CD96: variants seen among roughly 807,000 people sequenced by gnomAD.
CD96 encodes the protein CD96 molecule.
CD96 carries 70 observed loss-of-function variants against 71.3 expected under a neutral mutation model. The ratio of observed to expected loss-of-function variants is 0.98; its 90% CI spans 0.81 to 1.20. The LOEUF (loss-of-function observed/expected upper bound fraction) is 1.20. Among genes scored for constraint, CD96 ranks in the 50% most tolerant of loss-of-function variants. The pLI is 0.00. For missense variants in CD96, 742 were observed against 677.5 expected (o/e 1.10, Z -1.06); for synonymous variants, 248 against 233.0 (o/e 1.06, Z -0.59).
At chr3:111,613,032 A>G (rs954016917) in intron 8 of CD96, among the ~76,000 whole-genome samples, 1 of 152,136 alleles carries the variant, frequency 6.6e-6, no homozygotes, top group Non-Finnish European at 1.5e-5. Flanking sequence ...TGTTTATTGT[A>G]TCTTTTTCAT....
At chr3:111,638,684 A>T (rs1939451464) in intron 12 of CD96, among the ~76,000 whole-genome samples, 1 of 152,188 alleles carries the variant, frequency 6.6e-6, no homozygotes, top group South Asian at 2.1e-4. Context: ...GAAGGTCATG[A>T]TTGTAAGTTC....
chr3:111,604,161 T>C (rs1344985573), intron 7 of CD96, among the ~76,000 whole-genome samples: 2 of 152,194 alleles, frequency 1.3e-5, no homozygotes, highest in African/African-American at 4.8e-5. Context: ...ATACAAGCTC[T>C]GAGGAAACCC....
intron 3 of CD96, among the ~76,000 whole-genome samples, chr3:111,574,063 A>G (rs1936110663): frequency 6.6e-6 from 1 of 152,230 alleles, no homozygotes. Context: ...ATGTGAAGAT[A>G]AGAAACAGTT....
chr3:111,584,591 G>A (rs1936618075), intron 4 of CD96, among the ~76,000 whole-genome samples: 1 of 152,280 alleles, frequency 6.6e-6, no homozygotes, highest in East Asian at 1.9e-4. Context: ...GGTGCGTGGT[G>A]AAAGGTACTT....
rs575477833 is a variant in CD96 at position 111,632,743 on chromosome 3, G to A, written c.1322-4453G>A. 2.1e-4 allele frequency among the ~76,000 whole-genome samples: 32 copies of A among 152,250 alleles called. No homozygotes were observed. In the South Asian group the frequency reaches 6.2e-3, roughly 30 times the overall value. On this transcript the variant is annotated intron_variant, in intron 10 of 13. Transcript: ENST00000352690. ...CTAAATGCCCATCAATAATAGACTG[G>A]ATAAAGAAAATGTAATACATATACA...
intron 5 of CD96, among the ~76,000 whole-genome samples, chr3:111,596,216 A>T (rs1937253593): frequency 6.6e-6 from 1 of 151,956 alleles, no homozygotes; most frequent in Non-Finnish European, 1.5e-5. Flanking sequence ...AAGAAAAGAA[A>T]AAGAAATGGC....
At chr3:111,589,651 C>T (rs954891854) in intron 5 of CD96, among the ~76,000 whole-genome samples, 1 of 152,160 alleles carries the variant, frequency 6.6e-6, no homozygotes, top group Non-Finnish European at 1.5e-5. Context: ...GTGCTGCTCC[C>T]AGTGAGCCTC....
chr3:111,619,940 C>A (rs1480367152), intron 8 of CD96, among the ~76,000 whole-genome samples: 1 of 152,210 alleles, frequency 6.6e-6, no homozygotes, highest in Non-Finnish European at 1.5e-5. Flanking sequence ...GCAGGTAACG[C>A]CCCACCTAGC....
chr3:111,545,103 A>T lies in CD96; in HGVS notation c.119A>T (p.Asp40Val), dbSNP rs1390326907. 6.2e-7 allele frequency: 1 copy of T among 1,614,078 alleles called. No homozygotes were observed. The highest frequency in any genetic ancestry group is 1.7e-5 in the Admixed American group (1 of 59,994). The change falls in exon 2 of 14, where the codon GAT becomes GTT. Residue 40 changes from aspartate (D) to valine (V), a missense_variant. Physicochemically the swap from Asp to Val is radical, Grantham distance 152 (BLOSUM62 -3). Coordinates refer to ENST00000352690, the MANE Select transcript of CD96 (RefSeq NM_005816.5). Reference protein sequence around the residue: ...EENVYATLGSDVNLTCQTQTV... With the variant: ...EENVYATLGSVVNLTCQTQTV... ...AATGTTTATGCTACACTTGGCTCTG[A>T]TGTCAACCTGACCTGCCAAACACAG...
At chr3:111,577,533 T>A (rs1387817381) in intron 3 of CD96, 1 of 1,603,918 alleles carries the variant, frequency 6.2e-7, no homozygotes, top group Non-Finnish European at 8.5e-7. Flanking sequence ...TGGGTCCTTC[T>A]TTCTAAGGGT....
intron 6 of CD96, among the ~76,000 whole-genome samples, chr3:111,599,831 A>G (rs1327951221): frequency 1.3e-5 from 2 of 152,262 alleles, no homozygotes; most frequent in African/African-American, 4.8e-5. Flanking sequence ...TCAGAATTGC[A>G]CTGGCACACA....
chr3:111,566,177 C>CAT (rs150813999), intron 2 of CD96, among the ~76,000 whole-genome samples: 95 of 149,760 alleles, frequency 6.3e-4, no homozygotes, highest in African/African-American at 2.0e-3. Context: ...CGTTTTATAA[C>CAT]ATATATATAT....
chr3:111,555,930 G>T (rs368138143), intron 2 of CD96, among the ~76,000 whole-genome samples: 2 of 152,218 alleles, frequency 1.3e-5, no homozygotes, highest in African/African-American at 4.8e-5. Flanking sequence ...GTCCTATATG[G>T]CTCTGAAGCT....
At chr3:111,656,954 T>C (rs1312936241), downstream of CD96, among the ~76,000 whole-genome samples, 1 of 151,496 alleles carries the variant, frequency 6.6e-6, no homozygotes, top group Non-Finnish European at 1.5e-5. Flanking sequence ...TATAATTTTG[T>C]CTGAAAAAAA....
intron 3 of CD96, chr3:111,577,380 G>C: frequency 1.3e-6 from 1 of 791,014 alleles, no homozygotes; most frequent in Non-Finnish European, 2.3e-6. Flanking sequence ...AGACTTGCCA[G>C]TGCTGAGTGA....
At chr3:111,593,644 C>G (rs996673849) in intron 5 of CD96, 2 of 1,605,228 alleles carry the variant, frequency 1.2e-6, no homozygotes. Context: ...CCAGGATGGC[C>G]CTTTCCACCT....
rs1326068225 is a variant in CD96 at position 111,638,084 on chromosome 3, G to A, written c.1393G>A (p.Val465Ile). The change falls in exon 12 of 14, where the codon GTC becomes ATC. Residue 465 changes from valine to isoleucine, a missense_variant. Val to Ile is a conservative substitution (Grantham distance 29). Coordinates refer to ENST00000352690, the MANE Select transcript of CD96 (RefSeq NM_005816.5). Reference sequence around the variant, plus strand: ...TATCCCCTTTATATCCCTAGACAATGTCTTTACCAGCACAGCCAGAGCATT... The same window carrying A: ...TATCCCCTTTATATCCCTAGACAATATCTTTACCAGCACAGCCAGAGCATT... ...SGAGSTLHDN[V>I]FTSTARAFSE... 6.3e-7 allele frequency: 1 copy of A among 1,594,112 alleles called. No individual in the cohort carries two copies. The highest frequency in any genetic ancestry group is 8.6e-7 in the Non-Finnish European group (1 of 1,161,836).
intron 2 of CD96, among the ~76,000 whole-genome samples, chr3:111,558,602 G>A (rs1414485781): frequency 4.8e-5 from 6 of 125,790 alleles, no homozygotes; most frequent in Admixed American, 8.3e-5. Flanking sequence ...TGCTGGATTC[G>A]GTTTGCCAGT....
chr3:111,542,425 C>A, intron 1 of CD96, 116 bp downstream of exon 1: 2 of 229,654 alleles, frequency 8.7e-6, no homozygotes, highest in Non-Finnish European at 1.9e-5. Flanking sequence ...AAGGACAAAT[C>A]ATTACTAAGG....
Sources: gnomAD v4.1 joint callset for allele counts (sites outside exome capture counted in the v4.1 genomes callset) on GRCh38, gnomAD v4.1.1 for gene constraint, MANE v1.5 for transcripts, NCBI Gene and HGNC (gene_info 2026-07-23, HGNC 2026-07-21) for gene names.